MYO16: variants seen among roughly 807,000 people sequenced by gnomAD.
MYO16 encodes unconventional myosin-XVI.
In MYO16, 94 loss-of-function variants were observed where a neutral mutation model predicts 205.3. That is an observed-to-expected ratio of 0.46 (90% CI 0.39 to 0.54). MYO16 has a LOEUF of 0.54. MYO16 is among the 20% of genes least tolerant of loss of function. MYO16 has a pLI of 0.00. For missense variants in MYO16, 2,315 were observed against 2,387.5 expected (o/e 0.97, Z 0.63); for synonymous variants, 988 against 954.0 (o/e 1.04, Z -0.66).
chr13:108,809,524 C>T (rs138194647), intron 7 of MYO16, among the ~76,000 whole-genome samples: 159 of 152,228 alleles, frequency 1.0e-3, no homozygotes, highest in Middle Eastern at 3.4e-3. Context: ...GCACATCACA[C>T]GGTGGAAGCA....
chr13:108,542,289 A>G, the MYO16 span, among the ~76,000 whole-genome samples: 1 of 152,228 alleles, frequency 6.6e-6, no homozygotes, highest in South Asian at 2.1e-4. Context: ...CAGAAAGGGG[A>G]ACAGAAAAAA....
At chr13:108,642,528 A>G (rs2038938) in intron 1 of MYO16, among the ~76,000 whole-genome samples, 7,319 of 152,110 alleles carry the variant, frequency 0.048, 248 homozygotes, top group African/African-American at 0.085. Context: ...AGCGATTGTC[A>G]TGCCTCAGCC....
chr13:109,154,317 T>G (rs2139843932), intron 32 of MYO16, among the ~76,000 whole-genome samples: 1 of 152,210 alleles, frequency 6.6e-6, no homozygotes, highest in South Asian at 2.1e-4. Context: ...CCCACCGCCT[T>G]GGGTGGCCTG....
chr13:108,999,223 A>T (rs887344814), intron 21 of MYO16, among the ~76,000 whole-genome samples: 1 of 152,238 alleles, frequency 6.6e-6, no homozygotes, highest in East Asian at 1.9e-4. Context: ...CAATTGATAC[A>T]CAAATATGAT....
chr13:108,676,888 C>T (rs72664979), intron 2 of MYO16, among the ~76,000 whole-genome samples: 6,245 of 152,214 alleles, frequency 0.041, 157 homozygotes, highest in South Asian at 0.09. Flanking sequence ...GCAGATGTAC[C>T]TCTCCTCTCC....
Position 108,629,724 on chromosome 13 carries a change from T to C in MYO16, c.-121T>C, listed in dbSNP as rs927855. 10 of 841,192 alleles carry C rather than the reference T, an allele frequency of 1.2e-5. No homozygotes were observed. Among genetic ancestry groups the C allele is most frequent in the Non-Finnish European group, 1.9e-5 (10 of 539,260 alleles). 52.1% of individuals were successfully genotyped at this position (841,192 alleles called of 1,614,324 possible). A position where few individuals can be genotyped will look rare whatever the true frequency, so the allele number is the denominator to read the frequency against. ...ATGGAACAGAGCCTCCATGCAATAG[T>C]GCATCCTGAGGTAAACTGTTACCTG... On this transcript the variant is annotated 5_prime_UTR_variant, in exon 1 of 35. Transcript: ENST00000457511.
At chr13:108,899,948 G>A (rs9559440) in intron 15 of MYO16, among the ~76,000 whole-genome samples, 30,920 of 152,120 alleles carry the variant, frequency 0.2, 3,887 homozygotes, top group East Asian at 0.67. Context: ...TTCATGGGAC[G>A]TGAGTGTCTG....
chr13:108,702,391 TG>T (rs750939015), intron 2 of MYO16, among the ~76,000 whole-genome samples: 4 of 152,054 alleles, frequency 2.6e-5, no homozygotes, highest in Middle Eastern at 3.2e-3. Context: ...ATGCAGAAAA[TG>T]ACAAATTCAA....
intron 27 of MYO16, among the ~76,000 whole-genome samples, chr13:109,058,251 C>T (rs1213712759): frequency 1.3e-5 from 2 of 152,142 alleles, no homozygotes; most frequent in East Asian, 3.9e-4. Context: ...GAAAGGGTGC[C>T]GGTGCCTTGG....
intron 16 of MYO16, among the ~76,000 whole-genome samples, chr13:108,937,550 G>A (rs7336490): frequency 0.16 from 24,774 of 152,024 alleles, 2,811 homozygotes; most frequent in African/African-American, 0.31. Flanking sequence ...TTTCTCAAAG[G>A]CGTTGCTCAT....
At chr13:109,034,659 A>T (rs1268944353) in intron 23 of MYO16, among the ~76,000 whole-genome samples, 1 of 152,216 alleles carries the variant, frequency 6.6e-6, no homozygotes, top group East Asian at 1.9e-4. Context: ...TTAAAAGGTT[A>T]GTCCCTGCTG....
At chr13:108,901,563 C>A (rs535350617) in intron 15 of MYO16, among the ~76,000 whole-genome samples, 2 of 152,114 alleles carry the variant, frequency 1.3e-5, no homozygotes, top group Non-Finnish European at 2.9e-5. Context: ...TTCAGACTTG[C>A]GTAGGGTTTA....
chr13:108,964,792 G>C lies in MYO16; in HGVS notation c.2259G>C (p.Gln753His), dbSNP rs1312751226. The part of the protein sequence containing the change: ...GDMIIRRHTI[Q>H]IAEFFRDLLA... ...TGATAATACGACGACATACCATACA[G>C]ATTGCTGAGTTTTTCCGAGACCTCT... Residue 753 changes from glutamine to histidine, a missense_variant, in exon 20 of 35, where the codon CAG (glutamine) becomes CAC (histidine). Physicochemically the swap from Gln to His is conservative, Grantham distance 24. This residue lies in a region of MYO16 where 1,213 missense variants were observed against 1,274.4 expected (regional missense o/e 0.95). Coordinates refer to ENST00000457511, the MANE Select transcript of MYO16 (RefSeq NM_001198950.3). 2.5e-6 allele frequency: 4 copies of C among 1,613,998 alleles called. No homozygotes were observed. The African/African-American group carries it at 5.3e-5, about 22-fold the overall frequency.
intron 9 of MYO16, among the ~76,000 whole-genome samples, chr13:108,843,842 CA>C (rs1877373993): frequency 6.6e-6 from 1 of 152,032 alleles, no homozygotes; most frequent in Non-Finnish European, 1.5e-5. Flanking sequence ...TGTAATATTG[CA>C]GTCCTTAAAG....
chr13:108,682,649 G>A (rs1361667576), intron 2 of MYO16, among the ~76,000 whole-genome samples: 1 of 152,134 alleles, frequency 6.6e-6, no homozygotes, highest in Non-Finnish European at 1.5e-5. Context: ...GAGAGATGTA[G>A]ACAAAAAGAA....
At chr13:108,884,041 C>T (rs1879739441) in intron 13 of MYO16, among the ~76,000 whole-genome samples, 2 of 152,112 alleles carry the variant, frequency 1.3e-5, no homozygotes, top group Admixed American at 1.3e-4. Flanking sequence ...TATATTCAGC[C>T]AAACCTCTAC....
intron 13 of MYO16, among the ~76,000 whole-genome samples, chr13:108,884,061 A>G (rs963076547): frequency 6.6e-6 from 1 of 152,234 alleles, no homozygotes; most frequent in African/African-American, 2.4e-5. Flanking sequence ...CAAGGGAGGG[A>G]AAGCTCTATA....
intron 31 of MYO16, among the ~76,000 whole-genome samples, chr13:109,136,516 C>A (rs1481072633): frequency 1.3e-5 from 2 of 152,132 alleles, no homozygotes; most frequent in Non-Finnish European, 2.9e-5. Flanking sequence ...TTTACTTTAT[C>A]TCTGTATCCT....
chr13:109,142,865 G>A (rs1877166703), intron 32 of MYO16, among the ~76,000 whole-genome samples: 1 of 152,120 alleles, frequency 6.6e-6, no homozygotes, highest in African/African-American at 2.4e-5. Flanking sequence ...ACACTGTGGA[G>A]TGTACTTTTG....
Sources: allele counts gnomAD v4.1 joint callset (sites outside exome capture counted in the v4.1 genomes callset), GRCh38; gene constraint gnomAD v4.1.1; regional missense constraint gnomAD v4.1.1; transcripts MANE v1.5; gene names NCBI Gene and HGNC (gene_info 2026-07-23, HGNC 2026-07-21).